The following RHCG variants were observed in gnomAD, a reference collection of about 807,000 sequenced individuals.
The protein encoded by RHCG is ammonium transporter Rh type C.
In RHCG, 39 loss-of-function variants were observed where a neutral mutation model predicts 55.3. The ratio of observed to expected loss-of-function variants is 0.70; its 90% confidence interval spans 0.55 to 0.92. RHCG has a LOEUF of 0.92. Among genes scored for constraint, RHCG ranks in the 40% least tolerant of loss-of-function variants. The pLI, the probability that RHCG is intolerant of heterozygous loss-of-function variation, is 0.00. For missense variants in RHCG, 635 were observed against 627.9 expected, an observed-to-expected ratio of 1.01 and a Z score of -0.12; for synonymous variants, 250 against 246.8, an observed-to-expected ratio of 1.01 and a Z score of -0.12.
At chr15:89,483,255 A>G (rs781475153) in intron 2 of RHCG, 38 bp from the exon 3 acceptor site, 4 of 1,468,924 alleles carry the variant, frequency 2.7e-6, no homozygotes, top group Non-Finnish European at 3.7e-6. Flanking sequence ...CTGGGGCAAT[A>G]GCAAAAAGTG....
At chr15:89,494,984 C>A (rs1961540184) in intron 1 of RHCG, among the ~76,000 whole-genome samples, 2 of 152,136 alleles carry the variant, frequency 1.3e-5, no homozygotes, top group East Asian at 1.9e-4. Flanking sequence ...GCTGGAAAGT[C>A]CCCCCCTTGA....
At chr15:89,472,355 G>A (rs1264714068) in intron 10 of RHCG, among the ~76,000 whole-genome samples, 1 of 152,200 alleles carries the variant, frequency 6.6e-6, no homozygotes, top group Non-Finnish European at 1.5e-5. Flanking sequence ...AGACGTGTCA[G>A]CTTCATTTTT....
Position 89,480,342 on chromosome 15 carries a change from G to C in RHCG, c.589C>G (p.Arg197Gly). The C allele has an allele frequency of 6.2e-7, 1 of 1,614,126 alleles. No individual in the cohort carries two copies. Among genetic ancestry groups the C allele is most frequent in the Non-Finnish European group, 8.5e-7 (1 of 1,180,008 alleles). Residue 197 changes from arginine to glycine, a missense_variant, in exon 4 of 11, where the codon CGG (arginine) becomes GGG (glycine). Arg to Gly is a moderately radical substitution (Grantham distance 125). Coordinates refer to ENST00000268122, the MANE Select transcript of RHCG (RefSeq NM_016321.3). Reference protein sequence around the residue: ...FGAYFGLTVTRILYRRNLEQS... With the variant: ...FGAYFGLTVTGILYRRNLEQS... ...TCTAGGTTGCGTCGGTAGAGGATCC[G>C]GGTCACTGTGAGCCCAAAGTAGGCG...
At chr15:89,495,341 G>A (rs1337918439) in intron 1 of RHCG, among the ~76,000 whole-genome samples, 2 of 152,194 alleles carry the variant, frequency 1.3e-5, no homozygotes, top group African/African-American at 4.8e-5. Context: ...AATGTCTAAG[G>A]TGTGGAGGGA....
chr15:89,478,343 T>C (rs1215262634), intron 5 of RHCG, among the ~76,000 whole-genome samples: 1 of 152,190 alleles, frequency 6.6e-6, no homozygotes, highest in Admixed American at 6.5e-5. Context: ...CAAGTCCACG[T>C]CAAGTGCCTA....
Position 89,477,789 on chromosome 15 carries a change from A to G in RHCG, c.975+48T>C, listed in dbSNP as rs2091908113. 1 of 1,611,070 alleles carries G rather than the reference A, an allele frequency of 6.2e-7. No individual in the cohort carries two copies. The highest frequency in any genetic ancestry group is 1.3e-5 in the African/African-American group (1 of 74,940). ...CCCTCAGCTCACTGTCAGGAACACA[A>G]AGACCTCAGCATTCTCTAGCCCCCA... On this transcript the variant is annotated intron_variant, in intron 6 of 10. Transcript: ENST00000268122. This position sits in a 1 kb window ranked among gnomAD's most constrained non-coding sequence, Gnocchi z 4.5.
Position 89,486,858 on chromosome 15 carries a change from C to T in RHCG, c.312G>A (p.Leu104=). The T allele has an allele frequency of 6.2e-7, 1 of 1,611,438 alleles. No individual in the cohort carries two copies. The highest frequency in any genetic ancestry group is 8.5e-7 in the Non-Finnish European group (1 of 1,177,874). ...AGAAGTGGAACCAGCCCTGCATGAGCAGCGCCCACTGGATGCCGAAGGCTG... is the reference window on the plus strand; with the variant it reads ...AGAAGTGGAACCAGCCCTGCATGAGTAGCGCCCACTGGATGCCGAAGGCTG... ...LLAAFGIQWA[L]LMQGWFHFLQ... The change falls in exon 2 of 11, where the codon CTG becomes CTA. Residue 104 remains leucine, a synonymous_variant. Coordinates refer to ENST00000268122, the MANE Select transcript of RHCG (RefSeq NM_016321.3).
At chr15:89,475,719 C>T (rs1201166123) in intron 9 of RHCG, among the ~76,000 whole-genome samples, 1 of 152,010 alleles carries the variant, frequency 6.6e-6, no homozygotes, top group Non-Finnish European at 1.5e-5. Flanking sequence ...TGTTAGAATC[C>T]CCGAGGAAGC....
rs149692210 is a variant in RHCG, at chr15:89,493,173, G to A, written c.184+3188C>T. Reference sequence around the variant, plus strand: ...GGTGTTTGAAACCAGAGCTTCCTCCGCCCTGGGTCATCTCCCGAAATGTGT... The same window carrying A: ...GGTGTTTGAAACCAGAGCTTCCTCCACCCTGGGTCATCTCCCGAAATGTGT... On this transcript the variant is annotated intron_variant, in intron 1 of 10. Coordinates refer to ENST00000268122, the MANE Select transcript of RHCG (RefSeq NM_016321.3). Among the ~76,000 whole-genome samples, 609 of 152,206 alleles carry A rather than the reference G, an allele frequency of 4.0e-3. 8 individuals carry two copies. Among genetic ancestry groups the A allele is most frequent in the African/African-American group, 0.014 (573 of 41,532 alleles).
chr15:89,486,462 C>G (rs886067068), intron 2 of RHCG: 23 of 464,354 alleles, frequency 5.0e-5, no homozygotes, highest in African/African-American at 4.6e-4. Context: ...GTCCCTGCAG[C>G]CTTTGTCGTA....
intron 9 of RHCG, among the ~76,000 whole-genome samples, chr15:89,473,775 C>T (rs577644386): frequency 1.6e-4 from 25 of 152,264 alleles, no homozygotes; most frequent in Non-Finnish European, 3.2e-4. Context: ...TGAGCATCCC[C>T]GCAAGAGATC....
rs749575034 is a variant in RHCG, at chr15:89,480,281, G to T, written c.650C>A (p.Ser217Ter). The T allele has an allele frequency of 2.5e-6, 4 of 1,613,938 alleles. No individual in the cohort carries two copies. The South Asian group carries it at 3.3e-5, about 13-fold the overall frequency. Residue 217 changes from serine to a stop codon, truncating the protein, a stop_gained, in exon 4 of 11, where the codon TCG becomes TAG. Transcript: ENST00000268122. LOFTEE classifies it high-confidence loss of function. ...CTCACCAATCATGGCAAAGAGGTCC[G>T]ACTGGTACACAGAATTCTGTCTCTC... Reference protein sequence around the residue: ...SKERQNSVYQSDLFAMIGTLF... With the variant: ...SKERQNSVYQ
chr15:89,479,127 A>C (rs189002038), intron 5 of RHCG, among the ~76,000 whole-genome samples, 195 bp downstream of exon 5: 244 of 151,068 alleles, frequency 1.6e-3, no homozygotes, highest in African/African-American at 4.9e-3. Context: ...CAAAACAAAA[A>C]AAAACAAGAT....
In RHCG at chr15:89,474,940, TCCTGCCTTCATTCATTCCTGCCTG is replaced by T. The variant is rs1217145564; in HGVS notation, c.1311+1791_1311+1814del. 4.8e-5 allele frequency among the ~76,000 whole-genome samples: 6 copies of T among 124,102 alleles called. No homozygotes were observed. In the East Asian group the frequency reaches 1.1e-3, roughly 24 times the overall value. The allele number at this position is 124,102 out of a possible 152,430, so 81.4% of individuals were successfully genotyped here. ...TTCCTGCCTGCCTGCCTTCCTGCCTTCCTGCCTTCATTCATTCCTGCCTGCCTGCCTTCATTCATTCCTGCCTGC... is the reference window on the plus strand; with the variant it reads ...TTCCTGCCTGCCTGCCTTCCTGCCTTCCTGCCTTCATTCATTCCTGCCTGC... On this transcript the variant is annotated intron_variant, in intron 9 of 10. Coordinates refer to ENST00000268122, the MANE Select transcript of RHCG (RefSeq NM_016321.3).
chr15:89,486,144 G>A (rs182199675), intron 2 of RHCG: 4 of 410,412 alleles, frequency 9.7e-6, no homozygotes, highest in East Asian at 1.4e-4. Context: ...TGCTCCACCC[G>A]TGGAAGCTGA....
intron 1 of RHCG, among the ~76,000 whole-genome samples, chr15:89,490,190 G>A (rs1315277056): frequency 6.6e-6 from 1 of 152,214 alleles, no homozygotes; most frequent in African/African-American, 2.4e-5. Context: ...GGCTGCAGGA[G>A]CAATGCTTAC....
intron 2 of RHCG, chr15:89,486,370 G>T: frequency 2.2e-6 from 1 of 456,712 alleles, no homozygotes; most frequent in South Asian, 1.5e-5. Context: ...CGTGGGCTGC[G>T]GTCTCTCAGG....
At chr15:89,479,126 A>AC (rs1316607172) in intron 5 of RHCG, among the ~76,000 whole-genome samples, 196 bp downstream of exon 5, 6 of 133,176 alleles carry the variant, frequency 4.5e-5, no homozygotes, top group African/African-American at 2.5e-4. Context: ...ACAAAACAAA[A>AC]AAAAACAAGA....
rs189569703 is a variant in RHCG at position 89,491,805 on chromosome 15, T to C, written c.184+4556A>G. Among the ~76,000 whole-genome samples, 3 of 152,050 alleles carry C rather than the reference T, an allele frequency of 2.0e-5. No individual in the cohort carries two copies. The East Asian group carries it at 5.8e-4, about 29-fold the overall frequency. Reference sequence around the variant, plus strand: ...TTAAAAAAAAAAAGATTTTTAATAGTGACGATTTGAGGGTCCAAACCGTAT... The same window carrying C: ...TTAAAAAAAAAAAGATTTTTAATAGCGACGATTTGAGGGTCCAAACCGTAT... On this transcript the variant is annotated intron_variant, in intron 1 of 10. Coordinates refer to ENST00000268122, the MANE Select transcript of RHCG (RefSeq NM_016321.3).
Sources: gnomAD v4.1 joint callset for allele counts (sites outside exome capture counted in the v4.1 genomes callset) on GRCh38, gnomAD v4.1.1 for gene constraint, Gnocchi (gnomAD v3.1) non-coding constraint, MANE v1.5 for transcripts, NCBI Gene and HGNC (gene_info 2026-07-23, HGNC 2026-07-21) for gene names.